Variants in FGD3 observed in about 807,000 individuals in gnomAD.
FGD3 encodes FYVE, RhoGEF and PH domain-containing protein 3.
In FGD3, 45 loss-of-function variants were observed where a neutral mutation model predicts 71.8. The observed-to-expected ratio is 0.63, with a 90% CI of 0.49 to 0.80. FGD3 has a LOEUF of 0.80. Among genes scored for constraint, FGD3 ranks in the 30% least tolerant of loss-of-function variants. The probability of loss-of-function intolerance (pLI) is 0.00; values close to 1 mark genes in which losing one functional copy is unlikely to be tolerated. For synonymous variants in FGD3, 378 were observed against 392.8 expected, an observed-to-expected ratio of 0.96 and a Z score of 0.44; for missense variants, 844 against 951.5, an observed-to-expected ratio of 0.89 and a Z score of 1.49.
At chr9:93,015,901 C>T (rs1311359472) in intron 10 of FGD3, 72 bp downstream of exon 10, 1 of 1,404,600 alleles carries the variant, frequency 7.1e-7, no homozygotes, top group African/African-American at 1.4e-5. Flanking sequence ...ACACCAGGCT[C>T]TGGCCGCTGA....
rs1587855694 is a variant in FGD3, at chr9:93,012,993, C to T, written c.1036-859C>T. ...AGTACATACCAGGTTCACACCCAGC[C>T]CCCCTGGTACACACCAACTGCACAC... On this transcript the variant is annotated intron_variant, in intron 8 of 17. Coordinates refer to ENST00000375482, the MANE Select transcript of FGD3 (RefSeq NM_001083536.2). Among the ~76,000 whole-genome samples the T allele has an allele frequency of 1.4e-5, 2 of 147,564 alleles. 1 individual carries two copies.
At chr9:93,010,629 GAC>G (rs202149227) in intron 7 of FGD3, among the ~76,000 whole-genome samples, 19 of 135,898 alleles carry the variant, frequency 1.4e-4, no homozygotes, top group African/African-American at 2.5e-4. Context: ...AGGAGAGAGA[GAC>G]ACACAGAGAC....
intron 1 of FGD3, among the ~76,000 whole-genome samples, chr9:92,955,380 T>C (rs1859031982): frequency 1.3e-5 from 2 of 151,632 alleles, no homozygotes; most frequent in Non-Finnish European, 1.5e-5. Context: ...ACTAAAAAAA[T>C]ACAAAATTAG....
rs527316893 is a variant in FGD3, at chr9:93,021,049, A to C, written c.1494+625A>C. Among the ~76,000 whole-genome samples, 4 of 152,110 alleles carry C rather than the reference A, an allele frequency of 2.6e-5. No individual in the cohort carries two copies. The South Asian group carries it at 8.3e-4, about 32-fold the overall frequency. On this transcript the variant is annotated intron_variant, in intron 13 of 17. Transcript: ENST00000375482. ...ATCCCCACAGAAACTGAGTCTGAGGAGCTCTGTGACGTCCCCAGGCCATGG... is the reference window on the plus strand; with the variant it reads ...ATCCCCACAGAAACTGAGTCTGAGGCGCTCTGTGACGTCCCCAGGCCATGG...
At chr9:93,010,796 CAG>C (rs1237861914) in intron 7 of FGD3, among the ~76,000 whole-genome samples, 2 of 151,986 alleles carry the variant, frequency 1.3e-5, no homozygotes, top group Non-Finnish European at 2.9e-5. Flanking sequence ...TCTTTGAGGG[CAG>C]AGAAAAATCT....
intron 3 of FGD3, among the ~76,000 whole-genome samples, chr9:92,997,814 T>C (rs1446681121): frequency 1.3e-5 from 2 of 152,342 alleles, no homozygotes; most frequent in Non-Finnish European, 2.9e-5. Flanking sequence ...TCTTCTGGCT[T>C]GTAGAGTTTC....
At position 92,976,499 on chromosome 9, in the gene FGD3, C is replaced by A. The variant is rs3802381; in HGVS notation, c.243C>A (p.Pro81=). The part of the protein sequence containing the change: ...IPNRDSGIDS[P]SSSVAGENFP... Reference sequence around the variant, plus strand: ...ACCGGGACAGCGGGATCGACAGTCCCTCCTCCAGTGTGGCTGGAGAGAACT... The same window carrying A: ...ACCGGGACAGCGGGATCGACAGTCCATCCTCCAGTGTGGCTGGAGAGAACT... Residue 81 remains proline (P), a synonymous_variant, in exon 3 of 18, where the codon CCC becomes CCA. Transcript: ENST00000375482. The A allele has an allele frequency of 0.6, 959,879 of 1,611,214 alleles. 287,255 individuals carry two copies. Among genetic ancestry groups the A allele is most frequent in the Middle Eastern group, 0.67 (4,033 of 6,060 alleles).
intron 14 of FGD3, among the ~76,000 whole-genome samples, chr9:93,028,210 A>ACACACACACACACG (rs71499162): frequency 8.4e-6 from 1 of 118,638 alleles, no homozygotes; most frequent in African/African-American, 3.7e-5. Flanking sequence ...ACACACACAC[A>ACACACACACACACG]CACACACGCA....
Position 92,960,381 on chromosome 9 carries a change from C to T in FGD3, c.-218+12652C>T, listed in dbSNP as rs896687582. Among the ~76,000 whole-genome samples, 24 of 152,160 alleles carry T rather than the reference C, an allele frequency of 1.6e-4. 1 individual carries two copies. In the East Asian group the frequency reaches 4.4e-3, roughly 28 times the overall value. On this transcript the variant is annotated intron_variant, in intron 1 of 17. Transcript: ENST00000375482. ...CTCCTATCCCCACGTCCTCATGTCA[C>T]CCATAAACCAGCCCAGAGCAGAGTT...
chr9:92,983,385 C>A (rs1043771004), intron 3 of FGD3, among the ~76,000 whole-genome samples: 3 of 151,534 alleles, frequency 2.0e-5, no homozygotes, highest in African/African-American at 7.3e-5. Context: ...ATTAGCCAGG[C>A]GAGGTGGCGG....
At chr9:93,015,708 G>A (rs757367435) in intron 9 of FGD3, 29 bp from the exon 10 acceptor site, 19 of 1,604,888 alleles carry the variant, frequency 1.2e-5, no homozygotes, top group African/African-American at 9.4e-5. Flanking sequence ...GGCAGCTCTC[G>A]TTCCTCACCT....
Position 93,028,198 on chromosome 9 carries a change from ACACACACACACACACACACG to A in FGD3, c.1558-1656_1558-1637del, listed in dbSNP as rs767075749. Among the ~76,000 whole-genome samples the A allele has an allele frequency of 5.3e-3, 356 of 67,302 alleles. 1 individual carries two copies. Among genetic ancestry groups the A allele is most frequent in the Admixed American group, 8.1e-3 (56 of 6,892 alleles). 44.2% of individuals were successfully genotyped at this position (67,302 alleles called of 152,430 possible). On this transcript the variant is annotated intron_variant, in intron 14 of 17. Coordinates refer to ENST00000375482, the MANE Select transcript of FGD3 (RefSeq NM_001083536.2). ...TATGGCCCCTCAGCCCCTAGCCCCG[ACACACACACACACACACACG>A]CACACACACACACACACACCCCAAT... is the stretch of plus-strand genomic sequence containing the variant.
At chr9:93,010,490 G>C in intron 7 of FGD3, 106 bp downstream of exon 7, 1 of 1,262,130 alleles carries the variant, frequency 7.9e-7, no homozygotes, top group East Asian at 2.7e-5. Flanking sequence ...GGGGGTAGGG[G>C]AGAGAGAAAC....
chr9:93,028,218 GCACA>G (rs547210870), intron 14 of FGD3, among the ~76,000 whole-genome samples: 11 of 141,052 alleles, frequency 7.8e-5, no homozygotes, highest in African/African-American at 2.1e-4. Flanking sequence ...ACACACACAC[GCACA>G]CACACACACA....
chr9:93,012,687 C>CGGGGGG (rs1279341124), intron 8 of FGD3, among the ~76,000 whole-genome samples: 137 of 58,948 alleles, frequency 2.3e-3, no homozygotes, highest in African/African-American at 0.011. Context: ...TGGGCGGTGG[C>CGGGGGG]GGGGTGTGGG....
intron 8 of FGD3, among the ~76,000 whole-genome samples, chr9:93,013,408 G>A (rs1033052290): frequency 4.6e-5 from 7 of 152,146 alleles, no homozygotes; most frequent in Non-Finnish European, 8.8e-5. Flanking sequence ...CTGTCCCATC[G>A]CACTTCTGGG....
In FGD3 at chr9:93,001,235, G is replaced by C. The variant is rs550168588; in HGVS notation, c.454-1690G>C. On this transcript the variant is annotated intron_variant, in intron 3 of 17. Coordinates refer to ENST00000375482, the MANE Select transcript of FGD3 (RefSeq NM_001083536.2). ...TCTATCTGTTCTCTTTTATCTCATT[G>C]AGCATCTTTATGACAACTATTTCGA... Among the ~76,000 whole-genome samples the C allele has an allele frequency of 6.6e-5, 10 of 151,902 alleles. No individual in the cohort carries two copies. The South Asian group carries it at 1.5e-3, about 22-fold the overall frequency.
At chr9:92,981,383 A>AAT (rs1482287853) in intron 3 of FGD3, among the ~76,000 whole-genome samples, 1 of 151,028 alleles carries the variant, frequency 6.6e-6, no homozygotes, top group East Asian at 1.9e-4. Context: ...AAAAAAAAAA[A>AAT]AGAAAAAAAA....
At chr9:93,030,120 G>C in intron 15 of FGD3, 124 bp downstream of exon 15, 1 of 1,144,930 alleles carries the variant, frequency 8.7e-7, no homozygotes, top group Non-Finnish European at 1.2e-6. Context: ...AGGGCTTCCT[G>C]ATCCTGGCTC....
Sources: gnomAD v4.1 joint callset for allele counts (sites outside exome capture counted in the v4.1 genomes callset) on GRCh38, gnomAD v4.1.1 for gene constraint, MANE v1.5 for transcripts, NCBI Gene and HGNC (gene_info 2026-07-23, HGNC 2026-07-21) for gene names.